PDE10A: variants seen among roughly 807,000 people sequenced by gnomAD.
PDE10A encodes the protein cAMP and cAMP-inhibited cGMP 3',5'-cyclic phosphodiesterase 10A.
PDE10A carries 39 observed loss-of-function variants against 97.7 expected under a neutral mutation model. The observed-to-expected ratio is 0.40, with a 90% CI of 0.31 to 0.52. PDE10A has a LOEUF of 0.52. Among genes scored for constraint, PDE10A ranks in the 20% least tolerant of loss-of-function variants. The pLI is 0.56. For synonymous variants in PDE10A, 371 were observed against 376.8 expected, an observed-to-expected ratio of 0.98 and a Z score of 0.18; for missense variants, 731 against 1,047.8, an observed-to-expected ratio of 0.70 and a Z score of 4.17.
intron 1 of PDE10A, among the ~76,000 whole-genome samples, chr6:165,921,132 C>T (rs1043516534): frequency 1.3e-5 from 2 of 152,154 alleles, no homozygotes; most frequent in East Asian, 1.9e-4. Flanking sequence ...CGTGGGATTA[C>T]GAATTTCCCC....
chr6:165,482,249 G>C, intron 3 of PDE10A, 66 bp downstream of exon 3: 1 of 1,071,490 alleles, frequency 9.3e-7, no homozygotes, highest in Non-Finnish European at 1.5e-6. Context: ...TTAGAGTACT[G>C]AGAGATAAAC....
intron 1 of PDE10A, among the ~76,000 whole-genome samples, chr6:165,839,778 G>GCATCGGTCTCCATCCCCATCCC (rs1562762308): frequency 4.4e-3 from 164 of 37,578 alleles, no homozygotes; most frequent in African/African-American, 0.014. Flanking sequence ...ATCCCCATCT[G>GCATCGGTCTCCATCCCCATCCC]CATCTGTCTC....
chr6:165,845,736 G>A (rs929406766), intron 1 of PDE10A, among the ~76,000 whole-genome samples: 1 of 152,170 alleles, frequency 6.6e-6, no homozygotes, highest in African/African-American at 2.4e-5. Flanking sequence ...TAGGAAACAA[G>A]CATTAAATTG....
intron 1 of PDE10A, among the ~76,000 whole-genome samples, chr6:165,794,190 G>A (rs1418934146): frequency 5.2e-5 from 7 of 134,742 alleles, no homozygotes; most frequent in African/African-American, 1.7e-4. Context: ...CCACACTCAC[G>A]CACTCACGCT....
At chr6:165,809,205 A>G (rs1342542615) in intron 1 of PDE10A, among the ~76,000 whole-genome samples, 1 of 152,226 alleles carries the variant, frequency 6.6e-6, no homozygotes, top group Non-Finnish European at 1.5e-5. Context: ...CCTAAGAGGC[A>G]GAAACACTGG....
At chr6:165,767,757 G>A (rs139881531) in intron 1 of PDE10A, among the ~76,000 whole-genome samples, 18 of 152,082 alleles carry the variant, frequency 1.2e-4, no homozygotes, top group African/African-American at 2.7e-4. Context: ...TCAAATCCTC[G>A]TGTCTGTGTG....
intron 2 of PDE10A, among the ~76,000 whole-genome samples, chr6:165,533,695 G>A (rs1389178805): frequency 2.0e-5 from 3 of 152,056 alleles, no homozygotes; most frequent in Non-Finnish European, 4.4e-5. Context: ...TCAACCTTAG[G>A]TCAAATAATT....
chr6:165,926,943 CT>C (rs906393424), intron 1 of PDE10A, among the ~76,000 whole-genome samples: 1 of 152,008 alleles, frequency 6.6e-6, no homozygotes, highest in Non-Finnish European at 1.5e-5. Flanking sequence ...AGTTTACTTA[CT>C]ATAGAAACAA....
At chr6:165,565,337 A>C (rs978550656) in intron 1 of PDE10A, among the ~76,000 whole-genome samples, 1 of 152,220 alleles carries the variant, frequency 6.6e-6, no homozygotes, top group Admixed American at 6.5e-5. Context: ...TTAAAGGCAC[A>C]ATATCATTTG....
chr6:165,441,128 C>T lies in PDE10A; in HGVS notation c.1195-5751G>A, dbSNP rs376211820. Among the ~76,000 whole-genome samples the T allele has an allele frequency of 2.6e-5, 4 of 152,308 alleles. No homozygotes were observed. The East Asian group carries it at 7.7e-4, about 29-fold the overall frequency. On this transcript the variant is annotated intron_variant, in intron 5 of 21. Coordinates refer to ENST00000539869, the MANE Select transcript of PDE10A (RefSeq NM_001385079.1). ...CCAGATTTCTCAGAAATTGCTTCTT[C>T]TGCCCAAGAGACATCCTTTACTTTC...
At position 165,575,572 on chromosome 6, in the gene PDE10A, T is replaced by C. The variant is rs938777375; in HGVS notation, c.866-32004A>G. Among the ~76,000 whole-genome samples the C allele has an allele frequency of 2.0e-5, 3 of 152,314 alleles. 1 individual carries two copies. The South Asian group carries it at 6.2e-4, about 32-fold the overall frequency. On this transcript the variant is annotated intron_variant, in intron 1 of 21. Transcript: ENST00000539869. ...TTCAAACTCTCCTTGCCCCTTTTAA[T>C]GTAAAGATTTCTAAGACACTAACAC...
At chr6:165,914,651 A>G (rs1289245422) in intron 1 of PDE10A, among the ~76,000 whole-genome samples, 1 of 152,204 alleles carries the variant, frequency 6.6e-6, no homozygotes, top group East Asian at 1.9e-4. Context: ...TACGTGAACC[A>G]TCCTCGGGCA....
intron 3 of PDE10A, among the ~76,000 whole-genome samples, chr6:165,470,280 G>C (rs547434034): frequency 6.6e-6 from 1 of 152,150 alleles, no homozygotes; most frequent in Non-Finnish European, 1.5e-5. Flanking sequence ...GACAGGTAAC[G>C]AGAACTGACT....
chr6:165,928,748 C>A (rs1783027730), intron 1 of PDE10A, among the ~76,000 whole-genome samples: 2 of 152,194 alleles, frequency 1.3e-5, no homozygotes, highest in African/African-American at 4.8e-5. Flanking sequence ...TCACTTAGTG[C>A]CTCCTGAGTG....
intron 1 of PDE10A, among the ~76,000 whole-genome samples, chr6:165,589,864 T>TA (rs1786146908): frequency 6.6e-6 from 1 of 152,008 alleles, no homozygotes; most frequent in Admixed American, 6.5e-5. Context: ...AATCAGCCAC[T>TA]AAAAAACAAA....
At chr6:165,616,893 T>C (rs1787749707) in intron 1 of PDE10A, among the ~76,000 whole-genome samples, 1 of 152,182 alleles carries the variant, frequency 6.6e-6, no homozygotes, top group African/African-American at 2.4e-5. Context: ...TCTTGGTGTA[T>C]TTTACTAAAA....
At chr6:165,638,481 T>C (rs1224930763) in intron 1 of PDE10A, among the ~76,000 whole-genome samples, 1 of 152,208 alleles carries the variant, frequency 6.6e-6, no homozygotes, top group Admixed American at 6.5e-5. Flanking sequence ...TTCTTGCCAT[T>C]GTGTTGTGTT....
At chr6:165,721,039 C>T (rs746809997) in intron 1 of PDE10A, among the ~76,000 whole-genome samples, 7 of 152,086 alleles carry the variant, frequency 4.6e-5, no homozygotes, top group African/African-American at 7.2e-5. Context: ...GAATGTTACA[C>T]GGAACAGTAA....
At chr6:165,910,546 G>T (rs765849841) in intron 1 of PDE10A, among the ~76,000 whole-genome samples, 2 of 152,078 alleles carry the variant, frequency 1.3e-5, no homozygotes, top group African/African-American at 2.4e-5. Context: ...ATAACATCTT[G>T]GGGGTGTTAA....
Sources: allele counts gnomAD v4.1 joint callset (sites outside exome capture counted in the v4.1 genomes callset), GRCh38; gene constraint gnomAD v4.1.1; transcripts MANE v1.5; gene names NCBI Gene and HGNC (gene_info 2026-07-23, HGNC 2026-07-21).